The following CNTNAP2 variants were observed in gnomAD, a reference collection of about 807,000 sequenced individuals.
The protein encoded by CNTNAP2 is contactin-associated protein-like 2.
A neutral mutation model predicts 155.2 loss-of-function variants in CNTNAP2; 98 were observed. That is an observed-to-expected ratio of 0.63 (90% CI 0.54 to 0.75). The LOEUF is 0.75. CNTNAP2 is among the 30% of genes least tolerant of loss of function. The probability of loss-of-function intolerance (pLI) is 0.00; values close to 1 mark genes in which losing one functional copy is unlikely to be tolerated. For missense variants in CNTNAP2, 1,727 were observed against 1,688.1 expected (o/e 1.02, Z -0.40); for synonymous variants, 651 against 631.2 (o/e 1.03, Z -0.47).
At chr7:146,720,353 C>T (rs557354439) in intron 1 of CNTNAP2, among the ~76,000 whole-genome samples, 94 of 152,176 alleles carry the variant, frequency 6.2e-4, no homozygotes, top group African/African-American at 2.2e-3. Context: ...TTGCAGCTTT[C>T]CACGTTACAA....
chr7:146,968,751 C>A (rs1171546779), intron 3 of CNTNAP2, among the ~76,000 whole-genome samples: 1 of 151,594 alleles, frequency 6.6e-6, no homozygotes, highest in Non-Finnish European at 1.5e-5. Context: ...TTGATCCTTT[C>A]AAAAAACCAG....
intron 1 of CNTNAP2, among the ~76,000 whole-genome samples, chr7:146,331,569 G>A (rs940046411): frequency 5.9e-5 from 9 of 152,000 alleles, no homozygotes; most frequent in Non-Finnish European, 8.8e-5. Context: ...GGTGGTCTGG[G>A]TTTGTTGTGG....
At chr7:146,936,769 T>C (rs1189202133) in intron 3 of CNTNAP2, among the ~76,000 whole-genome samples, 1 of 152,190 alleles carries the variant, frequency 6.6e-6, no homozygotes, top group African/African-American at 2.4e-5. Context: ...GGGCAAACAC[T>C]GAACTGTAAC....
chr7:147,414,975 A>G (rs574144372), intron 10 of CNTNAP2, among the ~76,000 whole-genome samples: 7 of 151,516 alleles, frequency 4.6e-5, no homozygotes, highest in African/African-American at 7.3e-5. Flanking sequence ...AAAAGAAAAA[A>G]AAGAAATGGA....
Position 147,850,527 on chromosome 7 carries a change from C to T in CNTNAP2, c.2099-53038C>T, listed in dbSNP as rs6950706. ...CCTGACTTCAAACCATACTACACTA[C>T]AAGGCTACAGTAACCAAAACAGCAT... On this transcript the variant is annotated intron_variant, in intron 13 of 23. Transcript: ENST00000361727. 7.6e-3 allele frequency among the ~76,000 whole-genome samples: 1,161 copies of T among 152,284 alleles called. 16 individuals carry two copies. The highest frequency in any genetic ancestry group is 0.027 in the African/African-American group (1,104 of 41,550).
At position 146,148,285 on chromosome 7, in the gene CNTNAP2, AAT is replaced by A. The variant is rs553121487; in HGVS notation, c.97+31318_97+31319del. ...CCAGAAATTATGGTGGGGTCTTTGA[AAT>A]ATATAGAGTATTTTCTCTTAGAGCA... On this transcript the variant is annotated intron_variant, in intron 1 of 23. Transcript: ENST00000361727. 4.4e-3 allele frequency among the ~76,000 whole-genome samples: 668 copies of A among 152,216 alleles called. 2 individuals are homozygous for A. Among genetic ancestry groups the A allele is most frequent in the Middle Eastern group, 0.017 (5 of 294 alleles).
At chr7:146,144,705 C>T (rs1562966812) in intron 1 of CNTNAP2, among the ~76,000 whole-genome samples, 3 of 152,138 alleles carry the variant, frequency 2.0e-5, no homozygotes, top group Admixed American at 1.3e-4. Context: ...ATAAAAGAAA[C>T]ATAATGAAGA....
Position 147,212,985 on chromosome 7 carries a change from TAGTC to T in CNTNAP2, c.1348+80480_1348+80483del, listed in dbSNP as rs1803189407. On this transcript the variant is annotated intron_variant, in intron 8 of 23. Transcript: ENST00000361727. ...ATTTAAATTTTGTTATCCAGTATAT[TAGTC>T]AGTATTCTCCAGAGAAACATAACCA... Among the ~76,000 whole-genome samples, 4 of 152,230 alleles carry T rather than the reference TAGTC, an allele frequency of 2.6e-5. No individual in the cohort carries two copies. The South Asian group carries it at 6.2e-4, about 24-fold the overall frequency.
rs568251347 is a variant in CNTNAP2 at position 146,795,367 on chromosome 7, A to G, written c.208+20986A>G. Among the ~76,000 whole-genome samples, 11 of 152,312 alleles carry G rather than the reference A, an allele frequency of 7.2e-5. No individual in the cohort carries two copies. The South Asian group carries it at 1.2e-3, about 17-fold the overall frequency. ...CAGTATACTCTGACCTCGCAAATCAACATTCATGGTACAAAACATTAAAAG... is the reference window on the plus strand; with the variant it reads ...CAGTATACTCTGACCTCGCAAATCAGCATTCATGGTACAAAACATTAAAAG... On this transcript the variant is annotated intron_variant, in intron 2 of 23. Coordinates refer to ENST00000361727, the MANE Select transcript of CNTNAP2 (RefSeq NM_014141.6).
At chr7:148,016,391 G>T (rs956880068) in intron 15 of CNTNAP2, among the ~76,000 whole-genome samples, 2 of 152,150 alleles carry the variant, frequency 1.3e-5, no homozygotes, top group Admixed American at 6.5e-5. Flanking sequence ...TACTGTGGCC[G>T]CTGTCACTCT....
At chr7:147,619,347 A>G (rs1801350297) in intron 12 of CNTNAP2, among the ~76,000 whole-genome samples, 1 of 152,230 alleles carries the variant, frequency 6.6e-6, no homozygotes, top group Non-Finnish European at 1.5e-5. Flanking sequence ...GATACTAGCA[A>G]AGGAAAATCT....
chr7:148,402,052 C>A (rs753269973), intron 22 of CNTNAP2, among the ~76,000 whole-genome samples: 36 of 152,174 alleles, frequency 2.4e-4, no homozygotes, highest in Non-Finnish European at 4.7e-4. Context: ...AGAGGGAGTA[C>A]AATGGAATCA....
intron 1 of CNTNAP2, among the ~76,000 whole-genome samples, chr7:146,738,904 G>A (rs1801664368): frequency 6.6e-6 from 1 of 150,686 alleles, no homozygotes; most frequent in African/African-American, 2.4e-5. Context: ...ATCCAGTTAA[G>A]CTAGGTTATC....
chr7:147,669,148 T>C (rs1489217195), intron 13 of CNTNAP2, among the ~76,000 whole-genome samples: 1 of 152,154 alleles, frequency 6.6e-6, no homozygotes, highest in African/African-American at 2.4e-5. Flanking sequence ...TGGGTTTAAG[T>C]ACATTCTATG....
chr7:146,839,610 C>G (rs1041507582), intron 2 of CNTNAP2, 101 bp from the exon 3 acceptor site: 104 of 1,205,300 alleles, frequency 8.6e-5, no homozygotes, highest in African/African-American at 6.2e-4. Flanking sequence ...TGAAATAGAG[C>G]ACTGCCAAGA....
intron 14 of CNTNAP2, among the ~76,000 whole-genome samples, chr7:147,977,101 C>T (rs1801437717): frequency 6.6e-6 from 1 of 152,152 alleles, no homozygotes; most frequent in Admixed American, 6.5e-5. Flanking sequence ...CATAACTCAT[C>T]TTAAGCCCAT....
At chr7:147,155,917 A>G (rs1328959258) in intron 8 of CNTNAP2, among the ~76,000 whole-genome samples, 1 of 152,126 alleles carries the variant, frequency 6.6e-6, no homozygotes, top group African/African-American at 2.4e-5. Context: ...GTGTGCTAAT[A>G]TATCTCAGAG....
At chr7:146,304,617 T>G (rs552591017) in intron 1 of CNTNAP2, among the ~76,000 whole-genome samples, 1 of 152,124 alleles carries the variant, frequency 6.6e-6, no homozygotes, top group Non-Finnish European at 1.5e-5. Flanking sequence ...TGCTGGCTTG[T>G]AGAATTTCTG....
chr7:147,987,030 G>A (rs1378274873), intron 15 of CNTNAP2, among the ~76,000 whole-genome samples: 1 of 151,970 alleles, frequency 6.6e-6, no homozygotes, highest in Non-Finnish European at 1.5e-5. Flanking sequence ...AGCCTTCACT[G>A]CTATTGCCAT....
Sources: allele counts gnomAD v4.1 joint callset (sites outside exome capture counted in the v4.1 genomes callset), GRCh38; gene constraint gnomAD v4.1.1; transcripts MANE v1.5; gene names NCBI Gene and HGNC (gene_info 2026-07-23, HGNC 2026-07-21).